Variants in LUZP2 observed in about 807,000 individuals in gnomAD.
The protein encoded by LUZP2 is leucine zipper protein 2.
Under a neutral mutation model 51.6 loss-of-function variants are expected in LUZP2, and 52 were observed. The ratio of observed to expected loss-of-function variants is 1.01; its 90% CI spans 0.81 to 1.27. The LOEUF is 1.27. LUZP2 is among the 50% of genes most tolerant of loss of function. The probability of loss-of-function intolerance (pLI) is 0.00; values close to 1 mark genes in which losing one functional copy is unlikely to be tolerated. For synonymous variants in LUZP2, 154 were observed against 137.3 expected, an observed-to-expected ratio of 1.12 and a Z score of -0.85; for missense variants, 436 against 395.4, an observed-to-expected ratio of 1.10 and a Z score of -0.87.
chr11:24,728,708 T>A (rs984879552), intron 1 of LUZP2, among the ~76,000 whole-genome samples: 1 of 152,028 alleles, frequency 6.6e-6, no homozygotes, highest in African/African-American at 2.4e-5. Flanking sequence ...CAGTTAGAAC[T>A]CCAAACCTTC....
rs778917989 is a variant in LUZP2, at chr11:24,914,543, G to A, written c.522+5G>A. 6.3e-7 allele frequency: 1 copy of A among 1,592,004 alleles called. No individual in the cohort carries two copies. Among genetic ancestry groups the A allele is most frequent in the South Asian group, 1.1e-5 (1 of 87,274 alleles). On this transcript the variant is annotated splice_donor_5th_base_variant and intron_variant, in intron 7 of 11. Transcript: ENST00000336930. ...AAGAAGGATTTATTATTTAAGGTGA[G>A]TCTCTTTTCTCTCTTTTCCCTGAAA...
chr11:24,700,215 C>G (rs1008929146), intron 1 of LUZP2, among the ~76,000 whole-genome samples: 11 of 152,124 alleles, frequency 7.2e-5, no homozygotes, highest in Non-Finnish European at 1.6e-4. Context: ...GCACAAACCA[C>G]CATTCCTGGC....
chr11:24,536,329 A>G (rs1431189354), intron 1 of LUZP2, among the ~76,000 whole-genome samples: 1 of 151,838 alleles, frequency 6.6e-6, no homozygotes, highest in East Asian at 1.9e-4. Flanking sequence ...TCTCTTCTCT[A>G]GCTATGAAAG....
chr11:24,976,555 A>C (rs1353582384), intron 7 of LUZP2, 36 bp from the exon 8 acceptor site: 1 of 1,456,172 alleles, frequency 6.9e-7, no homozygotes, highest in Non-Finnish European at 9.4e-7. Context: ...GGGAAATTGC[A>C]GAATTTATCT....
At chr11:24,856,214 A>G (rs530473629) in intron 5 of LUZP2, among the ~76,000 whole-genome samples, 5 of 152,264 alleles carry the variant, frequency 3.3e-5, no homozygotes, top group African/African-American at 1.2e-4. Context: ...AACAATGACT[A>G]ATGTCTAGAA....
intron 7 of LUZP2, among the ~76,000 whole-genome samples, chr11:24,965,550 A>C (rs1047852758): frequency 2.0e-5 from 3 of 151,818 alleles, no homozygotes; most frequent in Non-Finnish European, 4.4e-5. Context: ...AAAACATGAG[A>C]TTATAAACTT....
chr11:24,780,938 C>T (rs1849072537), intron 5 of LUZP2, among the ~76,000 whole-genome samples: 1 of 152,142 alleles, frequency 6.6e-6, no homozygotes, highest in African/African-American at 2.4e-5. Flanking sequence ...TCAGCATCCT[C>T]ATTCACAGTT....
intron 7 of LUZP2, among the ~76,000 whole-genome samples, chr11:24,957,326 GA>G (rs1855239005): frequency 6.6e-6 from 1 of 152,006 alleles, no homozygotes; most frequent in Admixed American, 6.6e-5. Context: ...CAGGTTAGTT[GA>G]CATGTCAATT....
intron 1 of LUZP2, among the ~76,000 whole-genome samples, chr11:24,590,890 G>A (rs1198996636): frequency 6.6e-6 from 1 of 152,086 alleles, no homozygotes; most frequent in Non-Finnish European, 1.5e-5. Flanking sequence ...GATCTGACAT[G>A]TAAGAAATAT....
intron 1 of LUZP2, among the ~76,000 whole-genome samples, chr11:24,612,037 A>G (rs1208203219): frequency 1.3e-5 from 2 of 152,194 alleles, no homozygotes. Flanking sequence ...TGAGCAAGAG[A>G]GACCAATTAG....
intron 9 of LUZP2, among the ~76,000 whole-genome samples, chr11:25,045,851 G>A (rs1858289412): frequency 6.6e-6 from 1 of 152,036 alleles, no homozygotes; most frequent in African/African-American, 2.4e-5. Flanking sequence ...GGCCTCTGTG[G>A]TTACATGCAA....
chr11:24,742,755 A>C (rs1473742605), intron 4 of LUZP2, among the ~76,000 whole-genome samples: 2 of 152,076 alleles, frequency 1.3e-5, no homozygotes, highest in Non-Finnish European at 2.9e-5. Context: ...GTTCTTTGTT[A>C]TGAGAGCCTT....
At chr11:24,576,601 C>T (rs548272193) in intron 1 of LUZP2, among the ~76,000 whole-genome samples, 8 of 151,776 alleles carry the variant, frequency 5.3e-5, no homozygotes, top group African/African-American at 1.2e-4. Flanking sequence ...AGAAAAAACA[C>T]GCGTACAGAC....
chr11:24,769,786 C>CTCTTTTTTTTTTTTTTTTTTTTTT (rs764723270), intron 5 of LUZP2, among the ~76,000 whole-genome samples: 1 of 146,958 alleles, frequency 6.8e-6, no homozygotes, highest in Admixed American at 6.7e-5. Context: ...ACTAAATTCT[C>CTCTTTTTTTTTTTTTTTTTTTTTT]TTTTTTGTTT....
intron 5 of LUZP2, among the ~76,000 whole-genome samples, chr11:24,866,750 A>T (rs1455911007): frequency 6.6e-6 from 1 of 152,160 alleles, no homozygotes; most frequent in Non-Finnish European, 1.5e-5. Flanking sequence ...ATTCAGAAAG[A>T]CTTCATAGAA....
intron 5 of LUZP2, among the ~76,000 whole-genome samples, chr11:24,854,806 G>A (rs1404596644): frequency 6.6e-6 from 1 of 152,204 alleles, no homozygotes; most frequent in Non-Finnish European, 1.5e-5. Context: ...AAAGCCCATG[G>A]GAAAAACATA....
intron 1 of LUZP2, among the ~76,000 whole-genome samples, chr11:24,515,902 T>C (rs1850448874): frequency 1.3e-5 from 2 of 152,120 alleles, no homozygotes; most frequent in South Asian, 4.1e-4. Flanking sequence ...GCTGAATTTT[T>C]TGTCCTGTCA....
chr11:24,566,705 G>A (rs1277472827), intron 1 of LUZP2, among the ~76,000 whole-genome samples: 1 of 146,408 alleles, frequency 6.8e-6, no homozygotes, highest in African/African-American at 2.5e-5. Context: ...TAGGTAATGT[G>A]TGTGTGTATA....
chr11:24,737,333 G>T (rs1044402356), intron 3 of LUZP2, among the ~76,000 whole-genome samples: 1 of 151,980 alleles, frequency 6.6e-6, no homozygotes, highest in African/African-American at 2.4e-5. Context: ...GCACTAGATT[G>T]GAAGTTTTAA....
Sources: gnomAD v4.1 joint callset for allele counts (sites outside exome capture counted in the v4.1 genomes callset) on GRCh38, gnomAD v4.1.1 for gene constraint, MANE v1.5 for transcripts, NCBI Gene and HGNC (gene_info 2026-07-23, HGNC 2026-07-21) for gene names.